Variants in EYS observed in about 807,000 individuals in gnomAD.
EYS encodes EGF-like photoreceptor maintenance factor, also known as protein eyes shut homolog.
Under a neutral mutation model 282.1 loss-of-function variants are expected in EYS, and 250 were observed. That is an observed-to-expected ratio of 0.89 (90% CI 0.80 to 0.98). EYS has a LOEUF of 0.98. EYS is among the 50% of genes least tolerant of loss of function. The pLI is 0.00. For synonymous variants in EYS, 1,355 were observed against 1,282.9 expected, an observed-to-expected ratio of 1.06 and a Z score of -1.20; for missense variants, 4,016 against 3,709.0, an observed-to-expected ratio of 1.08 and a Z score of -2.15.
intron 22 of EYS, among the ~76,000 whole-genome samples, chr6:64,630,807 A>T (rs949244309): frequency 3.4e-4 from 52 of 152,210 alleles, no homozygotes; most frequent in African/African-American, 1.2e-3. Flanking sequence ...GATTTTGAAA[A>T]CACTTATAAA....
intron 2 of EYS, among the ~76,000 whole-genome samples, chr6:65,510,808 G>A (rs1766839543): frequency 6.6e-6 from 1 of 152,046 alleles, no homozygotes; most frequent in Admixed American, 6.6e-5. Flanking sequence ...TTAGAAATTT[G>A]TTATTTAATT....
At chr6:64,379,261 A>C (rs145351459) in intron 29 of EYS, among the ~76,000 whole-genome samples, 2,386 of 152,288 alleles carry the variant, frequency 0.016, 21 homozygotes, top group South Asian at 0.034. Context: ...CAAAGCACTT[A>C]AGCCAAAAAT....
intron 8 of EYS, among the ~76,000 whole-genome samples, chr6:65,363,034 G>T (rs1764774382): frequency 6.6e-6 from 1 of 151,950 alleles, no homozygotes. Flanking sequence ...CAGCTGCTGA[G>T]GTAAAAATGC....
intron 15 of EYS, among the ~76,000 whole-genome samples, chr6:64,919,598 TAA>T (rs968911015): frequency 1.7e-4 from 26 of 152,174 alleles, no homozygotes; most frequent in African/African-American, 6.0e-4. Flanking sequence ...ACATAATTTA[TAA>T]GTCAATTATT....
chr6:64,775,458 G>A (rs1319721597), intron 22 of EYS, among the ~76,000 whole-genome samples: 1 of 151,908 alleles, frequency 6.6e-6, no homozygotes, highest in Non-Finnish European at 1.5e-5. Flanking sequence ...TTAAATTTTA[G>A]GAGCTTCATT....
rs778030177 is a variant in EYS, at chr6:65,334,981, T to C, written c.1765A>G (p.Arg589Gly). ...TCTGCTCAAATGATACATAAATACC[T>C]GGGTCTATTAATTTCATCTTTACAA... ...AVCKDEINRPRCSCSLSYIGR... is the reference protein window; with the variant it reads ...AVCKDEINRPGCSCSLSYIGR... Residue 589 changes from arginine to glycine, a missense_variant and splice_region_variant, in exon 11 of 43, where the codon AGA (arginine) becomes GGA (glycine). Transcript: ENST00000503581. 4.2e-5 allele frequency: 68 copies of C among 1,606,096 alleles called. No individual in the cohort carries two copies. The highest frequency in any genetic ancestry group is 2.2e-4 in the Admixed American group (13 of 59,708).
rs1050615300 is a variant in EYS at position 65,696,348 on chromosome 6, C to T, written c.-448+10787G>A. 5.9e-5 allele frequency among the ~76,000 whole-genome samples: 9 copies of T among 152,030 alleles called. No individual in the cohort carries two copies. The South Asian group carries it at 1.7e-3, about 28-fold the overall frequency. On this transcript the variant is annotated intron_variant, in intron 1 of 42. Transcript: ENST00000503581. The stretch of plus-strand genomic sequence containing the variant: ...TGTAAACTGATTCTAAAATACAATT[C>T]GTTGTTTTCAAATTATATTACCTAA...
chr6:65,164,873 T>C (rs1199778219), intron 12 of EYS, among the ~76,000 whole-genome samples: 3 of 151,236 alleles, frequency 2.0e-5, no homozygotes, highest in Admixed American at 1.3e-4. Flanking sequence ...ATGTGTTCTG[T>C]CTTGTGTGCT....
intron 14 of EYS, among the ~76,000 whole-genome samples, chr6:64,970,682 CAAT>C (rs372442286): frequency 1.7e-4 from 26 of 152,234 alleles, no homozygotes; most frequent in African/African-American, 5.8e-4. Flanking sequence ...CTGTTTAGTA[CAAT>C]ACGTAAACCT....
At chr6:65,405,933 C>A (rs919268554) in intron 5 of EYS, among the ~76,000 whole-genome samples, 5 of 151,954 alleles carry the variant, frequency 3.3e-5, no homozygotes, top group African/African-American at 9.7e-5. Flanking sequence ...TGAAAAGAAT[C>A]CCAGGAGTGG....
At chr6:64,804,689 A>C (rs1322542847) in intron 22 of EYS, among the ~76,000 whole-genome samples, 1 of 152,174 alleles carries the variant, frequency 6.6e-6, no homozygotes, top group Non-Finnish European at 1.5e-5. Flanking sequence ...ATGTTTGATA[A>C]AGGTGTTTTA....
At chr6:64,858,397 C>A (rs9351452) in intron 19 of EYS, among the ~76,000 whole-genome samples, 23,197 of 151,786 alleles carry the variant, frequency 0.15, 1,998 homozygotes, top group East Asian at 0.43. Context: ...TAAAAAATCG[C>A]TTAAGCATAA....
In EYS at chr6:64,637,532, A is replaced by G. The variant is rs903196437; in HGVS notation, c.3444-11287T>C. ...TGGGTGCAGCACACCAACATGGCAC[A>G]TGTATACATATGTAACTAACCTGCA... On this transcript the variant is annotated intron_variant, in intron 22 of 42. Coordinates refer to ENST00000503581, the MANE Select transcript of EYS (RefSeq NM_001142800.2). Among the ~76,000 whole-genome samples the G allele has an allele frequency of 3.9e-4, 35 of 88,640 alleles. 12 individuals carry two copies. Among genetic ancestry groups the G allele is most frequent in the African/African-American group, 1.3e-3 (30 of 22,972 alleles). 58.2% of individuals were successfully genotyped at this position (88,640 alleles called of 152,430 possible).
At chr6:65,662,857 G>A (rs1768054757) in intron 1 of EYS, among the ~76,000 whole-genome samples, 1 of 152,058 alleles carries the variant, frequency 6.6e-6, no homozygotes, top group African/African-American at 2.4e-5. Context: ...AAAATGTGAC[G>A]ATTTAGATAA....
At chr6:64,295,118 T>C (rs1178791356) in intron 30 of EYS, among the ~76,000 whole-genome samples, 2 of 151,490 alleles carry the variant, frequency 1.3e-5, no homozygotes, top group South Asian at 2.1e-4. Flanking sequence ...CTCACGCCTG[T>C]AACCCCAGCA....
chr6:64,999,825 G>T (rs563281956), intron 13 of EYS, among the ~76,000 whole-genome samples: 124 of 152,204 alleles, frequency 8.1e-4, no homozygotes, highest in Non-Finnish European at 1.5e-3. Context: ...GCAGTCAGAG[G>T]GGAGCCCAGG....
chr6:64,950,578 T>G (rs1769453384), intron 14 of EYS, among the ~76,000 whole-genome samples: 2 of 151,086 alleles, frequency 1.3e-5, no homozygotes, highest in South Asian at 4.2e-4. Flanking sequence ...GAAAATCTTT[T>G]AGAGAAAGAA....
intron 29 of EYS, among the ~76,000 whole-genome samples, chr6:64,314,220 C>CAAA (rs1164362611): frequency 2.8e-5 from 1 of 35,108 alleles, no homozygotes; most frequent in Non-Finnish European, 6.3e-5. Context: ...AAAAAAAAAG[C>CAAA]AGGGGTTGCA....
chr6:65,275,517 C>G (rs1272833619), intron 12 of EYS, among the ~76,000 whole-genome samples: 3 of 152,140 alleles, frequency 2.0e-5, no homozygotes, highest in Non-Finnish European at 4.4e-5. Context: ...TGTCTTCTCT[C>G]TTTGAGCCTG....
Sources: gnomAD v4.1 joint callset for allele counts (sites outside exome capture counted in the v4.1 genomes callset) on GRCh38, gnomAD v4.1.1 for gene constraint, MANE v1.5 for transcripts, NCBI Gene and HGNC (gene_info 2026-07-23, HGNC 2026-07-21) for gene names.